Variants in PELP1 observed in about 807,000 individuals in gnomAD.
PELP1 encodes the protein proline, glutamate and leucine rich protein 1.
In PELP1, 32 loss-of-function variants were observed where a neutral mutation model predicts 95.5. The observed-to-expected ratio is 0.34, with a 90% CI of 0.25 to 0.45. PELP1 has a LOEUF of 0.45. PELP1 is among the 20% of genes least tolerant of loss of function. PELP1 has a pLI of 1.00. For synonymous variants in PELP1, 668 were observed against 600.1 expected (o/e 1.11, Z -1.65); for missense variants, 1,358 against 1,444.8 (o/e 0.94, Z 0.97).
chr17:4,691,981 C>T (rs1212404121), intron 1 of PELP1, among the ~76,000 whole-genome samples: 1 of 152,112 alleles, frequency 6.6e-6, no homozygotes, highest in African/African-American at 2.4e-5. Context: ...CCTCATCAGC[C>T]CCCCAGGTAA....
intron 3 of PELP1, among the ~76,000 whole-genome samples, chr17:4,687,142 C>T (rs528010837): frequency 6.6e-6 from 1 of 152,294 alleles, no homozygotes; most frequent in East Asian, 1.9e-4. Flanking sequence ...CCACACCACC[C>T]CAGCTGAAGT....
chr17:4,672,435 A>G lies in PELP1; in HGVS notation c.2556T>C (p.Pro852=). Residue 852 remains proline (P), a synonymous_variant, in exon 16 of 17, where the codon CCT becomes CCC. Coordinates refer to ENST00000572293, the MANE Select transcript of PELP1 (RefSeq NM_014389.3). Reference sequence around the variant, plus strand: ...CCAACTGGGGTGGAGGGAGCGTCACAGGACCAGGAACAGGCGGCGGCGGAG... The same window carrying G: ...CCAACTGGGGTGGAGGGAGCGTCACGGGACCAGGAACAGGCGGCGGCGGAG... ...PPPPPPPVPG[P]VTLPPPQLVP... is the part of the protein sequence containing the mutation. 1 of 1,568,222 alleles carries G rather than the reference A, an allele frequency of 6.4e-7. No homozygotes were observed. The highest frequency in any genetic ancestry group is 8.6e-7 in the Non-Finnish European group (1 of 1,156,166).
intron 1 of PELP1, among the ~76,000 whole-genome samples, chr17:4,692,446 A>T (rs1039489592): frequency 7.0e-6 from 1 of 142,832 alleles, no homozygotes; most frequent in African/African-American, 2.6e-5. Context: ...CAGCCTGGGC[A>T]ACAGAGCGAG....
intron 6 of PELP1, 72 bp from the exon 7 acceptor site, chr17:4,676,579 C>T (rs1912489177): frequency 6.4e-7 from 1 of 1,563,346 alleles, no homozygotes; most frequent in Admixed American, 1.7e-5. Context: ...GCCCCACTGA[C>T]ACCCAAAAGA....
At chr17:4,680,380 C>G (rs1912644012) in intron 5 of PELP1, among the ~76,000 whole-genome samples, 1 of 152,134 alleles carries the variant, frequency 6.6e-6, no homozygotes, top group Admixed American at 6.5e-5. Flanking sequence ...TGGGTCCAAG[C>G]AATTCTCCTG....
intron 1 of PELP1, among the ~76,000 whole-genome samples, chr17:4,694,018 C>T (rs1406785267): frequency 1.3e-5 from 2 of 152,124 alleles, no homozygotes; most frequent in Non-Finnish European, 2.9e-5. Context: ...CTAGGCAACA[C>T]AAGACCCAAC....
At chr17:4,676,987 A>C (rs943678064) in intron 5 of PELP1, among the ~76,000 whole-genome samples, 175 bp from the exon 6 acceptor site, 6 of 152,150 alleles carry the variant, frequency 3.9e-5, no homozygotes, top group Non-Finnish European at 5.9e-5. Context: ...TTTCATGGTA[A>C]AAGACTCCTC....
rs1410658441 is a variant in PELP1 at position 4,682,589 on chromosome 17, A to G, written c.571-16T>C. 1.9e-6 allele frequency: 3 copies of G among 1,603,406 alleles called. No individual in the cohort carries two copies. Among genetic ancestry groups the G allele is most frequent in the Non-Finnish European group, 2.6e-6 (3 of 1,170,338 alleles). On this transcript the variant is annotated splice_polypyrimidine_tract_variant and intron_variant, in intron 4 of 16. Coordinates refer to ENST00000572293, the MANE Select transcript of PELP1 (RefSeq NM_014389.3). ...ACTGCTCACACTGTAGGAAAAACAA[A>G]GGGAGAAACGAGAGGCTGCGAGCAC...
At chr17:4,684,515 A>T (rs1237836761) in intron 3 of PELP1, among the ~76,000 whole-genome samples, 1 of 152,020 alleles carries the variant, frequency 6.6e-6, no homozygotes, top group East Asian at 1.9e-4. Flanking sequence ...CCCTCTTCCT[A>T]CCCAAAGACA....
chr17:4,699,735 C>A (rs1913444336), intron 1 of PELP1, among the ~76,000 whole-genome samples: 1 of 151,762 alleles, frequency 6.6e-6, no homozygotes, highest in Non-Finnish European at 1.5e-5. Flanking sequence ...TACAGGCATG[C>A]GTCACCACGC....
chr17:4,673,308 G>A lies in PELP1; in HGVS notation c.1787C>T (p.Pro596Leu), dbSNP rs1597446064. ...LLLAPSPRCP[P>L]PLACALQAFS... ...GGCTTGCAGGGCACAGGCAAGAGGA[G>A]GTGGGCAGCGAGGAGACGGGGCCAG... Residue 596 changes from proline to leucine, a missense_variant, in exon 15 of 17, where the codon CCT becomes CTT. Coordinates refer to ENST00000572293, the MANE Select transcript of PELP1 (RefSeq NM_014389.3). The surrounding 1 kb of genome is among the most constrained non-coding windows in gnomAD (Gnocchi z 5.7). 1 of 1,585,788 alleles carries A rather than the reference G, an allele frequency of 6.3e-7. No individual in the cohort carries two copies. The highest frequency in any genetic ancestry group is 8.6e-7 in the Non-Finnish European group (1 of 1,165,962).
At chr17:4,676,559 A>G in intron 6 of PELP1, 52 bp from the exon 7 acceptor site, 1 of 1,602,158 alleles carries the variant, frequency 6.2e-7, no homozygotes. Context: ...GCCCAGCCAC[A>G]GAACCCCCAG....
rs1320820262 is a variant in PELP1, at chr17:4,671,750, C to T, written c.3241G>A (p.Glu1081Lys). 2.0e-6 allele frequency: 3 copies of T among 1,529,574 alleles called. No individual in the cohort carries two copies. The highest frequency in any genetic ancestry group is 2.6e-6 in the Non-Finnish European group (3 of 1,143,484). 94.8% of individuals were successfully genotyped at this position (1,529,574 alleles called of 1,614,324 possible). ...DGSDKVQPPP[E>K]TPAEEEMETE... ...TCCATCTCTTCTTCTGCAGGTGTCTCTGGTGGGGGCTGCACCTTGTCACTC... is the reference window on the plus strand; with the variant it reads ...TCCATCTCTTCTTCTGCAGGTGTCTTTGGTGGGGGCTGCACCTTGTCACTC... Residue 1081 changes from glutamate (E) to lysine (K), a missense_variant, in exon 16 of 17, where the codon GAG becomes AAG. By Grantham distance (56) the Glu-to-Lys change is moderately conservative. Transcript: ENST00000572293.
rs754984345 is a variant in PELP1, at chr17:4,672,481, C to A, written c.2510G>T (p.Gly837Val). The A allele has an allele frequency of 1.3e-6, 2 of 1,569,316 alleles. No individual in the cohort carries two copies. Among genetic ancestry groups the A allele is most frequent in the Non-Finnish European group, 8.6e-7 (1 of 1,159,190 alleles). The change falls in exon 16 of 17, where the codon GGG becomes GTG. Residue 837 changes from glycine (G) to valine (V), a missense_variant. Coordinates refer to ENST00000572293, the MANE Select transcript of PELP1 (RefSeq NM_014389.3). ...CGGAGGTGGGGGTGGCGGGAGAGGC[C>A]CTGGGGCTGCAGGAAGTTCTTCAGG... ...EEPEELPAAP[G>V]PLPPPPPPPP...
chr17:4,696,335 A>G (rs1326452740), intron 1 of PELP1, among the ~76,000 whole-genome samples: 1 of 152,316 alleles, frequency 6.6e-6, no homozygotes, highest in Non-Finnish European at 1.5e-5. Context: ...CCTGTCTCAA[A>G]AAAGAAAAAT....
chr17:4,672,599 G>A lies in PELP1; in HGVS notation c.2392C>T (p.Leu798=), dbSNP rs1321893388. The change falls in exon 16 of 17, where the codon CTG becomes TTG. Residue 798 remains leucine, a synonymous_variant. Coordinates refer to ENST00000572293, the MANE Select transcript of PELP1 (RefSeq NM_014389.3). ...GCACCTGAGGGTGGTGGGGGTGGCA[G>A]GGGGGGAAGCCCCTCGGGCACGATC... The part of the protein sequence containing the change: ...VVIVPEGLPP[L]PPPPPSGATP... 2 of 1,586,352 alleles carry A rather than the reference G, an allele frequency of 1.3e-6. No homozygotes were observed. The highest frequency in any genetic ancestry group is 1.7e-6 in the Non-Finnish European group (2 of 1,158,184).
At position 4,691,384 on chromosome 17, in the gene PELP1, T is replaced by C. The variant is rs752122795; in HGVS notation, c.308A>G (p.Lys103Arg). The change falls in exon 2 of 17, where the codon AAA becomes AGA. Residue 103 changes from lysine to arginine, a missense_variant. By Grantham distance (26) the Lys-to-Arg change is conservative. This residue lies in a region of PELP1 where 7 missense variants were observed against 19.7 expected (regional missense o/e 0.36). Transcript: ENST00000572293. ...SLSNARLSSIKTRFEGLCLLS... is the reference protein window; with the variant it reads ...SLSNARLSSIRTRFEGLCLLS... ...AAAAGGGCCAAAGACTTACCGAGTT[T>C]TGATGGAACTGAGACGTGCATTACT... 1 of 1,612,868 alleles carries C rather than the reference T, an allele frequency of 6.2e-7. No individual in the cohort carries two copies. The highest frequency in any genetic ancestry group is 8.5e-7 in the Non-Finnish European group (1 of 1,179,012).
chr17:4,681,241 T>C (rs1912673304), intron 5 of PELP1, among the ~76,000 whole-genome samples: 1 of 152,186 alleles, frequency 6.6e-6, no homozygotes, highest in Non-Finnish European at 1.5e-5. Context: ...TCCCAACACT[T>C]TGGGAGGCCG....
intron 3 of PELP1, among the ~76,000 whole-genome samples, chr17:4,684,421 C>T (rs1388214546): frequency 6.6e-6 from 1 of 152,204 alleles, no homozygotes; most frequent in Admixed American, 6.5e-5. Flanking sequence ...ACAGCAATTA[C>T]TTTTGCACCA....
Sources: allele counts gnomAD v4.1 joint callset (sites outside exome capture counted in the v4.1 genomes callset), GRCh38; gene constraint gnomAD v4.1.1; regional missense constraint gnomAD v4.1.1; non-coding constraint Gnocchi (gnomAD v3.1); transcripts MANE v1.5; gene names NCBI Gene and HGNC (gene_info 2026-07-23, HGNC 2026-07-21).